NELL1: variants seen among roughly 807,000 people sequenced by gnomAD.
NELL1 encodes neural EGFL like 1, also known as protein kinase C-binding protein NELL1.
NELL1 carries 76 observed loss-of-function variants against 107.4 expected under a neutral mutation model. That is an observed-to-expected ratio of 0.71 (90% CI 0.59 to 0.86). NELL1 has a LOEUF of 0.86. Ranked by LOEUF, NELL1 falls within the 40% of genes least tolerant of loss-of-function variation. The pLI is 0.00. For synonymous variants in NELL1, 353 were observed against 341.2 expected (o/e 1.03, Z -0.38); for missense variants, 1,024 against 1,005.5 (o/e 1.02, Z -0.25).
chr11:20,896,917 A>G lies in NELL1; in HGVS notation c.603+11377A>G, dbSNP rs574429855. 1.6e-4 allele frequency among the ~76,000 whole-genome samples: 25 copies of G among 152,292 alleles called. No homozygotes were observed. In the East Asian group the frequency reaches 3.5e-3, roughly 21 times the overall value. On this transcript the variant is annotated intron_variant, in intron 5 of 19. Coordinates refer to ENST00000357134, the MANE Select transcript of NELL1 (RefSeq NM_006157.5). ...ACTGCTCAATGAAATAAAAGAGGATACAAACAAATGGAAGAACATTCCATG... is the reference window on the plus strand; with the variant it reads ...ACTGCTCAATGAAATAAAAGAGGATGCAAACAAATGGAAGAACATTCCATG...
intron 15 of NELL1, among the ~76,000 whole-genome samples, chr11:21,390,148 A>G (rs1851834807): frequency 6.6e-6 from 1 of 151,706 alleles, no homozygotes; most frequent in African/African-American, 2.4e-5. Flanking sequence ...TCACTGAATG[A>G]CTTACCTAGT....
intron 15 of NELL1, among the ~76,000 whole-genome samples, chr11:21,422,701 A>G (rs946460260): frequency 2.6e-5 from 4 of 152,180 alleles, no homozygotes; most frequent in Admixed American, 6.5e-5. Context: ...AAAAAGAAAT[A>G]AGAAGGGAAT....
intron 13 of NELL1, among the ~76,000 whole-genome samples, chr11:21,139,766 T>A (rs747849092): frequency 1.3e-5 from 2 of 152,138 alleles, no homozygotes; most frequent in African/African-American, 4.8e-5. Flanking sequence ...CAGTTGCAAG[T>A]AACCAAAAAT....
intron 13 of NELL1, among the ~76,000 whole-genome samples, chr11:21,157,161 A>ATATATG (rs372420048): frequency 0.045 from 6,785 of 149,622 alleles, 207 homozygotes; most frequent in South Asian, 0.11. Flanking sequence ...ATATATATAT[A>ATATATG]TGTGTGTGTG....
intron 14 of NELL1, chr11:21,260,328 A>G (rs1042892776): frequency 2.6e-5 from 4 of 151,908 alleles, no homozygotes; most frequent in Admixed American, 6.6e-5. Context: ...GCCTAAGGAT[A>G]TAGAAAGATT....
At chr11:20,904,052 A>G (rs992774055) in intron 5 of NELL1, among the ~76,000 whole-genome samples, 1 of 152,106 alleles carries the variant, frequency 6.6e-6, no homozygotes, top group Non-Finnish European at 1.5e-5. Context: ...ATTATTTTGC[A>G]TATCTATTCT....
chr11:21,560,429 C>T (rs762144040), intron 17 of NELL1, 47 bp downstream of exon 17: 1 of 1,486,696 alleles, frequency 6.7e-7, no homozygotes. Context: ...TCTTTCTCTT[C>T]TTCCCTCACT....
At chr11:21,560,605 A>G (rs1008619285) in intron 17 of NELL1, among the ~76,000 whole-genome samples, 4 of 152,030 alleles carry the variant, frequency 2.6e-5, no homozygotes, top group Admixed American at 6.6e-5. Context: ...TTGAGAAGGA[A>G]CTGCAGGGAA....
intron 13 of NELL1, among the ~76,000 whole-genome samples, chr11:21,133,597 G>C (rs1329298372): frequency 2.0e-5 from 3 of 152,162 alleles, no homozygotes; most frequent in Admixed American, 1.3e-4. Context: ...CATGGGACTG[G>C]TGTGTCAGTG....
At chr11:21,055,316 C>G (rs1280702065) in intron 12 of NELL1, among the ~76,000 whole-genome samples, 1 of 151,444 alleles carries the variant, frequency 6.6e-6, no homozygotes, top group Non-Finnish European at 1.5e-5. Context: ...TTTTATTCTT[C>G]TTTTTTATTG....
chr11:20,999,298 A>C (rs927125919), intron 12 of NELL1, among the ~76,000 whole-genome samples: 4 of 152,158 alleles, frequency 2.6e-5, no homozygotes, highest in Non-Finnish European at 5.9e-5. Flanking sequence ...TTGGGACTCC[A>C]TTAAGCTTTA....
At chr11:21,308,498 G>A (rs532077993) in intron 14 of NELL1, among the ~76,000 whole-genome samples, 1 of 152,138 alleles carries the variant, frequency 6.6e-6, no homozygotes, top group Non-Finnish European at 1.5e-5. Context: ...GATGAAAGCA[G>A]CATAATCTAT....
At chr11:20,738,071 ATCATC>A (rs1375139367) in intron 2 of NELL1, among the ~76,000 whole-genome samples, 5 of 6,618 alleles carry the variant, frequency 7.6e-4, no homozygotes, top group African/African-American at 1.3e-3. Context: ...AGAATCATCT[ATCATC>A]TATGACACAG....
Position 21,353,390 on chromosome 11 carries a change from G to C in NELL1, c.1550-17463G>C, listed in dbSNP as rs150691888. Reference sequence around the variant, plus strand: ...CAAGTGAGGAAACTGAGGCACAGAGGAGGTAACTTGCTGAAGGTCACACAG... The same window carrying C: ...CAAGTGAGGAAACTGAGGCACAGAGCAGGTAACTTGCTGAAGGTCACACAG... On this transcript the variant is annotated intron_variant, in intron 14 of 19. Transcript: ENST00000357134. Among the ~76,000 whole-genome samples the C allele has an allele frequency of 1.8e-3, 272 of 152,304 alleles. 1 individual carries two copies. The highest frequency in any genetic ancestry group is 6.3e-3 in the African/African-American group (263 of 41,566).
chr11:20,715,294 TG>T (rs1855221913), intron 2 of NELL1, among the ~76,000 whole-genome samples: 4 of 35,132 alleles, frequency 1.1e-4, no homozygotes, highest in Admixed American at 5.3e-4. Context: ...CCATTTGAGC[TG>T]GGTTTTTGTT....
intron 15 of NELL1, among the ~76,000 whole-genome samples, chr11:21,412,098 TTTAGGCA>T (rs1261366497): frequency 6.6e-6 from 1 of 152,106 alleles, no homozygotes; most frequent in African/African-American, 2.4e-5. Flanking sequence ...GTATCAAATG[TTTAGGCA>T]TTCTCAAATT....
chr11:21,309,280 GTATATATA>G (rs67629561), intron 14 of NELL1, among the ~76,000 whole-genome samples: 24 of 108,608 alleles, frequency 2.2e-4, no homozygotes, highest in African/African-American at 6.7e-4. Context: ...ATATATATAT[GTATATATA>G]TATATATATA....
intron 2 of NELL1, among the ~76,000 whole-genome samples, chr11:20,697,136 A>T (rs374812930): frequency 6.6e-6 from 1 of 152,182 alleles, no homozygotes; most frequent in African/African-American, 2.4e-5. Flanking sequence ...CGGGAAAAGA[A>T]TGAGTGTCTA....
At chr11:20,873,309 T>A (rs1849239928) in intron 4 of NELL1, among the ~76,000 whole-genome samples, 1 of 152,206 alleles carries the variant, frequency 6.6e-6, no homozygotes, top group Admixed American at 6.5e-5. Flanking sequence ...CCTATAAGAT[T>A]GTGGCTTTTA....
Sources: allele counts gnomAD v4.1 joint callset (sites outside exome capture counted in the v4.1 genomes callset), GRCh38; gene constraint gnomAD v4.1.1; transcripts MANE v1.5; gene names NCBI Gene and HGNC (gene_info 2026-07-23, HGNC 2026-07-21).